Variants in CEP68 observed in about 807,000 individuals in gnomAD.
CEP68 encodes the protein centrosomal protein 68, also known as centrosomal protein of 68 kDa.
Under a neutral mutation model 55.3 loss-of-function variants are expected in CEP68, and 26 were observed. The ratio of observed to expected loss-of-function variants is 0.47; its 90% CI spans 0.34 to 0.65. CEP68 has a LOEUF of 0.65. Ranked by LOEUF, CEP68 falls within the 30% of genes least tolerant of loss-of-function variation. CEP68 has a pLI of 0.01. For synonymous variants in CEP68, 402 were observed against 383.2 expected (o/e 1.05, Z -0.57); for missense variants, 957 against 946.7 (o/e 1.01, Z -0.14).
chr2:65,079,283 C>T (rs1481900813), intron 5 of CEP68, among the ~76,000 whole-genome samples: 2 of 152,110 alleles, frequency 1.3e-5, no homozygotes, highest in Non-Finnish European at 2.9e-5. Context: ...CCATATTGGC[C>T]GCATGATTTT....
intron 1 of CEP68, among the ~76,000 whole-genome samples, chr2:65,062,562 G>A (rs557777118): frequency 2.0e-5 from 3 of 147,858 alleles, no homozygotes; most frequent in South Asian, 2.1e-4. Context: ...GAGGCGGGGC[G>A]TGATGGCTTA....
At position 65,082,716 on chromosome 2, in the gene CEP68, G is replaced by A. The variant is rs1224064647; in HGVS notation, c.*4+7G>A. 6.5e-7 allele frequency: 1 copy of A among 1,535,890 alleles called. No individual in the cohort carries two copies. The highest frequency in any genetic ancestry group is 8.7e-7 in the Non-Finnish European group (1 of 1,147,576). ...TGTGAAGGGGTTTAACCTGGTAAGT[G>A]GAGGAACTCAAAAAGAAAATTTGCC... is the stretch of plus-strand genomic sequence containing the variant. On this transcript the variant is annotated splice_region_variant and intron_variant, in intron 6 of 6. Coordinates refer to ENST00000377990, the MANE Select transcript of CEP68 (RefSeq NM_015147.3).
Position 65,071,454 on chromosome 2 carries a change from G to A in CEP68, c.358G>A (p.Val120Met). Residue 120 changes from valine (V) to methionine (M), a missense_variant and splice_region_variant, in exon 3 of 7, where the codon GTG (valine) becomes ATG (methionine). Transcript: ENST00000377990. ...CTTTTTGTCCCTTTGATCATTGCAGGTGGAGAAGACCAAGCTTTCTTCCTC... is the reference window on the plus strand; with the variant it reads ...CTTTTTGTCCCTTTGATCATTGCAGATGGAGAAGACCAAGCTTTCTTCCTC... ...GDLLLSGESQ[V>M]EKTKLSSSEE... 4 of 1,612,104 alleles carry A rather than the reference G, an allele frequency of 2.5e-6. No individual in the cohort carries two copies. Among genetic ancestry groups the A allele is most frequent in the Non-Finnish European group, 3.4e-6 (4 of 1,178,350 alleles).
chr2:65,067,785 A>G (rs1297794265), intron 1 of CEP68, among the ~76,000 whole-genome samples: 1 of 152,194 alleles, frequency 6.6e-6, no homozygotes, highest in Non-Finnish European at 1.5e-5. Context: ...TAATTTTCTG[A>G]TTAGTTCCTG....
chr2:65,074,313 G>C lies in CEP68; in HGVS notation c.1916G>C (p.Cys639Ser). ...TGCTGTCAGCTGGAAGAGCTGATCT[G>C]CTGGCTGTATAATGTTGCAGATGTT... Reference protein sequence around the residue: ...TFCCQLEELICWLYNVADVTD... With the variant: ...TFCCQLEELISWLYNVADVTD... The change falls in exon 4 of 7, where the codon TGC (cysteine) becomes TCC (serine). Residue 639 changes from cysteine (C) to serine (S), a missense_variant. Cys to Ser is a moderately radical substitution (Grantham distance 112, BLOSUM62 -1). Transcript: ENST00000377990. The C allele has an allele frequency of 6.2e-7, 1 of 1,614,190 alleles. No homozygotes were observed. Among genetic ancestry groups the C allele is most frequent in the Non-Finnish European group, 8.5e-7 (1 of 1,180,008 alleles).
chr2:65,074,169 GAA>G, intron 3 of CEP68, 111 bp from the exon 4 acceptor site: 2 of 1,298,710 alleles, frequency 1.5e-6, no homozygotes, highest in Non-Finnish European at 2.1e-6. Context: ...GAGGAGAGAG[GAA>G]ACTGAAGGTG....
At position 65,082,533 on chromosome 2, in the gene CEP68, T is replaced by G; in HGVS notation, c.2105-3T>G. 1.3e-6 allele frequency: 2 copies of G among 1,530,064 alleles called. No homozygotes were observed. Among genetic ancestry groups the G allele is most frequent in the Non-Finnish European group, 1.7e-6 (2 of 1,143,264 alleles). 94.8% of individuals were successfully genotyped at this position (1,530,064 alleles called of 1,614,324 possible). A position where few individuals can be genotyped will look rare whatever the true frequency, so the allele number is the denominator to read the frequency against. ...GTTTAATTTCTTTGAACCTCATTGT[T>G]AGTTTTAGAGGATGTCCTTGGGAGG... is the stretch of plus-strand genomic sequence containing the variant. On this transcript the variant is annotated splice_region_variant and splice_polypyrimidine_tract_variant and intron_variant, in intron 5 of 6. Transcript: ENST00000377990.
chr2:65,067,358 TG>T (rs1205802224), intron 1 of CEP68, among the ~76,000 whole-genome samples: 3 of 151,380 alleles, frequency 2.0e-5, no homozygotes, highest in Non-Finnish European at 4.4e-5. Flanking sequence ...CTATCTAGCC[TG>T]GGTGATGGAG....
intron 5 of CEP68, among the ~76,000 whole-genome samples, chr2:65,079,025 C>A (rs527771396): frequency 1.3e-5 from 2 of 152,172 alleles, no homozygotes; most frequent in Admixed American, 6.5e-5. Flanking sequence ...AGGGTAAAGC[C>A]TTGAACTGAT....
At chr2:65,066,076 A>G (rs1676151070) in intron 1 of CEP68, among the ~76,000 whole-genome samples, 1 of 152,154 alleles carries the variant, frequency 6.6e-6, no homozygotes, top group African/African-American at 2.4e-5. Flanking sequence ...AATCATGGGC[A>G]GGACTTCATC....
Position 65,086,046 on chromosome 2 carries a change from TAGGTA to T in CEP68, c.*2415_*2419del, listed in dbSNP as rs1480772204. 1 of 150,874 alleles carries T rather than the reference TAGGTA, an allele frequency of 6.6e-6. No homozygotes were observed. Among genetic ancestry groups the T allele is most frequent in the Non-Finnish European group, 1.5e-5 (1 of 67,880 alleles). 9.3% of individuals were successfully genotyped at this position (150,874 alleles called of 1,614,324 possible). A position where few individuals can be genotyped will look rare whatever the true frequency, so the allele number is the denominator to read the frequency against. On this transcript the variant is annotated 3_prime_UTR_variant, in exon 7 of 7. Transcript: ENST00000377990. ...CAAGATCTGGGTTCTTGGAGATCCATAGGTAAGCTCAGCAAATGGAAGACGACGTC... is the reference window on the plus strand; with the variant it reads ...CAAGATCTGGGTTCTTGGAGATCCATAGCTCAGCAAATGGAAGACGACGTC...
In CEP68 at chr2:65,083,947, CT is replaced by C. The variant is rs1307438837; in HGVS notation, c.*314del. 2.0e-5 allele frequency: 3 copies of C among 152,158 alleles called. No individual in the cohort carries two copies. Among genetic ancestry groups the C allele is most frequent in the Non-Finnish European group, 2.9e-5 (2 of 68,030 alleles). 9.4% of individuals were successfully genotyped at this position (152,158 alleles called of 1,614,324 possible). Reference sequence around the variant, plus strand: ...TCCCATTAAAAAAGAGCAGATAAAGCTCAAACTATTCCACCTGGTAGGGTCA... The same window carrying C: ...TCCCATTAAAAAAGAGCAGATAAAGCCAAACTATTCCACCTGGTAGGGTCA... On this transcript the variant is annotated 3_prime_UTR_variant, in exon 7 of 7. Transcript: ENST00000377990.
chr2:65,058,377 A>G (rs56367631), intron 1 of CEP68, among the ~76,000 whole-genome samples: 8,249 of 146,376 alleles, frequency 0.056, 745 homozygotes, highest in African/African-American at 0.2. Flanking sequence ...CTAATTTTCT[A>G]TTTTGTTGTA....
chr2:65,072,729 C>T lies in CEP68; in HGVS notation c.1633C>T (p.Leu545Phe). Reference sequence around the variant, plus strand: ...AAGCCAGCTTCCCCCTGGAGCTGCCCTCCAAGGATCTGGGGATCCTGAGGG... The same window carrying T: ...AAGCCAGCTTCCCCCTGGAGCTGCCTTCCAAGGATCTGGGGATCCTGAGGG... Reference protein sequence around the residue: ...SQSQLPPGAALQGSGDPEGQN... With the variant: ...SQSQLPPGAAFQGSGDPEGQN... The change falls in exon 3 of 7, where the codon CTC (leucine) becomes TTC (phenylalanine). Residue 545 changes from leucine to phenylalanine, a missense_variant. By Grantham distance (22) the Leu-to-Phe change is conservative. Transcript: ENST00000377990. 6.2e-7 allele frequency: 1 copy of T among 1,614,154 alleles called. No homozygotes were observed.
At position 65,069,814 on chromosome 2, in the gene CEP68, G is replaced by T; in HGVS notation, c.357+13G>T. 1 of 1,607,498 alleles carries T rather than the reference G, an allele frequency of 6.2e-7. No homozygotes were observed. The highest frequency in any genetic ancestry group is 8.5e-7 in the Non-Finnish European group (1 of 1,174,572). On this transcript the variant is annotated intron_variant, in intron 2 of 6. Coordinates refer to ENST00000377990, the MANE Select transcript of CEP68 (RefSeq NM_015147.3). ...CGGGGAAAGCCAGGTAGGTACTAAG[G>T]CAAGACTGTAGATGGACCCATTGCT...
Position 65,082,599 on chromosome 2 carries a change from G to A in CEP68, c.2168G>A (p.Arg723His), listed in dbSNP as rs769356766. The A allele has an allele frequency of 1.2e-5, 20 of 1,609,712 alleles. No individual in the cohort carries two copies. The highest frequency in any genetic ancestry group is 4.0e-5 in the African/African-American group (3 of 74,596). The stretch of plus-strand genomic sequence containing the variant: ...GGTGAGCTGGAGAGCCACGCAGATC[G>A]CCTGTATGACTCTATCTTGGCCTCT... ...QSGELESHADRLYDSILASLD... is the reference protein window; with the variant it reads ...QSGELESHADHLYDSILASLD... The change falls in exon 6 of 7, where the codon CGC becomes CAC. Residue 723 changes from arginine (R) to histidine (H), a missense_variant. Coordinates refer to ENST00000377990, the MANE Select transcript of CEP68 (RefSeq NM_015147.3).
rs1438071733 is a variant in CEP68 at position 65,061,991 on chromosome 2, C to T, written c.-47+5463C>T. On this transcript the variant is annotated intron_variant, in intron 1 of 6. Transcript: ENST00000377990. The stretch of plus-strand genomic sequence containing the variant: ...GGAGAAAGAGCAGCATGGAAAGCCT[C>T]TTTGGTTCTCTGGGCAGGTTCTGCC... 1.3e-5 allele frequency among the ~76,000 whole-genome samples: 2 copies of T among 152,244 alleles called. 1 individual carries two copies. Among genetic ancestry groups the T allele is most frequent in the South Asian group, 4.1e-4 (2 of 4,830 alleles).
chr2:65,060,414 C>T (rs890160137), intron 1 of CEP68, among the ~76,000 whole-genome samples: 40 of 152,114 alleles, frequency 2.6e-4, no homozygotes, highest in African/African-American at 9.2e-4. Flanking sequence ...AGTCTTCATA[C>T]GTGCAGCCTG....
In CEP68 at chr2:65,069,721, G is replaced by C. The variant is rs528823795; in HGVS notation, c.277G>C (p.Glu93Gln). ...ASDANREPVAERSEPALSGLP... is the reference protein window; with the variant it reads ...ASDANREPVAQRSEPALSGLP... ...TGATGCCAACAGAGAGCCCGTAGCT[G>C]AGAGGTCTGAGCCTGCACTCAGTGG... Residue 93 changes from glutamate (E) to glutamine (Q), a missense_variant, in exon 2 of 7, where the codon GAG (glutamate) becomes CAG (glutamine). Glu to Gln is a conservative substitution (Grantham distance 29). Transcript: ENST00000377990. 1 of 1,614,134 alleles carries C rather than the reference G, an allele frequency of 6.2e-7. No homozygotes were observed. The highest frequency in any genetic ancestry group is 2.2e-5 in the East Asian group (1 of 44,890).
Sources: gnomAD v4.1 joint callset for allele counts (sites outside exome capture counted in the v4.1 genomes callset) on GRCh38, gnomAD v4.1.1 for gene constraint, MANE v1.5 for transcripts, NCBI Gene and HGNC (gene_info 2026-07-23, HGNC 2026-07-21) for gene names.